The following FSCN2 variants were observed in gnomAD, a reference collection of about 807,000 sequenced individuals.
The protein encoded by FSCN2 is fascin-2.
A neutral mutation model predicts 37.8 loss-of-function variants in FSCN2; 46 were observed. The ratio of observed to expected loss-of-function variants is 1.22; its 90% CI spans 0.96 to 1.56. The LOEUF (loss-of-function observed/expected upper bound fraction) is 1.56. Among genes scored for constraint, FSCN2 ranks in the 40% most tolerant of loss-of-function variants. FSCN2 has a pLI of 0.00. For missense variants in FSCN2, 844 were observed against 730.4 expected (o/e 1.16, Z -1.79); for synonymous variants, 351 against 309.4 (o/e 1.13, Z -1.41).
intron 1 of FSCN2, among the ~76,000 whole-genome samples, chr17:81,531,849 GTGA>G (rs1366144893): frequency 2.6e-5 from 3 of 114,884 alleles, no homozygotes; most frequent in African/African-American, 9.2e-5. Flanking sequence ...GGTGGTGATG[GTGA>G]TGGTGGTGAT....
Position 81,528,655 on chromosome 17 carries a change from A to G in FSCN2, c.124A>G (p.Arg42Gly), listed in dbSNP as rs1555670542. 6.2e-7 allele frequency: 1 copy of G among 1,603,306 alleles called. No homozygotes were observed. Among genetic ancestry groups the G allele is most frequent in the Admixed American group, 1.7e-5 (1 of 58,682 alleles). Reference sequence around the variant, plus strand: ...CAATGCCTCGGCACCCAGCCTCAAGAGGAAGCAGACCTGGGTGCTGGAACC... The same window carrying G: ...CAATGCCTCGGCACCCAGCCTCAAGGGGAAGCAGACCTGGGTGCTGGAACC... ...KVNASAPSLKRKQTWVLEPDP... is the reference protein window; with the variant it reads ...KVNASAPSLKGKQTWVLEPDP... Residue 42 changes from arginine to glycine, a missense_variant, in exon 1 of 5, where the codon AGG becomes GGG. By Grantham distance (125) the Arg-to-Gly change is moderately radical (BLOSUM62 -2). Transcript: ENST00000417245.
chr17:81,519,546 G>T, the FSCN2 span, among the ~76,000 whole-genome samples: 3 of 152,182 alleles, frequency 2.0e-5, no homozygotes, highest in African/African-American at 4.8e-5. Flanking sequence ...ATCGCCGCGA[G>T]GCCGCACCTG....
intron 1 of FSCN2, among the ~76,000 whole-genome samples, chr17:81,531,579 ATGATGG>A (rs1568077705): frequency 3.3e-5 from 4 of 121,636 alleles, no homozygotes; most frequent in East Asian, 2.8e-4. Context: ...AGTGATGGTG[ATGATGG>A]TGATGGTGAT....
chr17:81,536,257 C>A lies in FSCN2; in HGVS notation c.1095C>A (p.Ser365Arg), dbSNP rs201346660. Reference sequence around the variant, plus strand: ...AGAATGGGCAGCTGGCGGCTATCAGCGATTTTGTCGGTGAGCACTCTGCCT... The same window carrying A: ...AGAATGGGCAGCTGGCGGCTATCAGAGATTTTGTCGGTGAGCACTCTGCCT... Reference protein sequence around the residue: ...MKKNGQLAAISDFVGKDEEFT... With the variant: ...MKKNGQLAAIRDFVGKDEEFT... Residue 365 changes from serine to arginine, a missense_variant, in exon 3 of 5, where the codon AGC (serine) becomes AGA (arginine). Physicochemically the swap from Ser to Arg is moderately radical, Grantham distance 110 (BLOSUM62 -1). Transcript: ENST00000417245. 6.3e-7 allele frequency: 1 copy of A among 1,598,810 alleles called. No individual in the cohort carries two copies. Among genetic ancestry groups the A allele is most frequent in the East Asian group, 2.3e-5 (1 of 44,152 alleles).
At chr17:81,516,161 C>T in the FSCN2 span, among the ~76,000 whole-genome samples, 691 of 152,356 alleles carry the variant, frequency 4.5e-3, 6 homozygotes, top group African/African-American at 0.016. Flanking sequence ...TCTCATCTTC[C>T]ACCACTAAAT....
At chr17:81,521,193 T>G in the FSCN2 span, among the ~76,000 whole-genome samples, 1 of 151,750 alleles carries the variant, frequency 6.6e-6, no homozygotes, top group Non-Finnish European at 1.5e-5. Flanking sequence ...TCAGCCTCCC[T>G]AGTAGCTGGG....
At chr17:81,531,246 A>ATGGTGATGGTGATGATGG (rs2032549894) in intron 1 of FSCN2, among the ~76,000 whole-genome samples, 1 of 29,652 alleles carries the variant, frequency 3.4e-5, no homozygotes, top group African/African-American at 1.0e-4. Flanking sequence ...GGTGGTGATG[A>ATGGTGATGGTGATGATGG]TGGTGATGGT....
At chr17:81,519,480 G>C in the FSCN2 span, among the ~76,000 whole-genome samples, 3 of 152,188 alleles carry the variant, frequency 2.0e-5, no homozygotes, top group African/African-American at 7.2e-5. Flanking sequence ...CCCGCGAGAA[G>C]GCCGGGAATG....
At chr17:81,535,272 ACCATCCCCACCATCCGCATCCCCATCT>A (rs1428718898) in intron 2 of FSCN2, 64 bp downstream of exon 2, 28 of 1,058,750 alleles carry the variant, frequency 2.6e-5, no homozygotes, top group Admixed American at 5.2e-5. Flanking sequence ...CCCCATCATC[ACCATCCCCACCATCCGCATCCCCATCT>A]CCATCCCCAC....
chr17:81,528,522 C>A lies in FSCN2; in HGVS notation c.-10C>A. 1 of 1,577,554 alleles carries A rather than the reference C, an allele frequency of 6.3e-7. No homozygotes were observed. The highest frequency in any genetic ancestry group is 8.6e-7 in the Non-Finnish European group (1 of 1,160,884). On this transcript the variant is annotated 5_prime_UTR_variant, in exon 1 of 5. Transcript: ENST00000417245. Reference sequence around the variant, plus strand: ...TCCCAGGCCCCTCCGGGGACCCGGCCAGCCTGAAGATGCCGACGAACGGCC... The same window carrying A: ...TCCCAGGCCCCTCCGGGGACCCGGCAAGCCTGAAGATGCCGACGAACGGCC...
the FSCN2 span, among the ~76,000 whole-genome samples, chr17:81,522,695 CAGAG>C: frequency 6.6e-6 from 1 of 151,768 alleles, no homozygotes; most frequent in African/African-American, 2.4e-5. Flanking sequence ...AGGGGCTGGG[CAGAG>C]GCCGCCACCT....
rs1373324825 is a variant in FSCN2 at position 81,532,152 on chromosome 17, G to GTGATGA, written c.826+2801_826+2806dup. Among the ~76,000 whole-genome samples the GTGATGA allele has an allele frequency of 3.9e-5, 5 of 128,476 alleles. No individual in the cohort carries two copies. In the East Asian group the frequency reaches 9.9e-4, roughly 26 times the overall value. The allele number at this position is 128,476 out of a possible 152,430, so 84.3% of individuals were successfully genotyped here. A position where few individuals can be genotyped will look rare whatever the true frequency, so the allele number is the denominator to read the frequency against. ...GATAGTGATGGTGATGATGGTGATG[G>GTGATGA]TGATGATGATGGTGATGGTGGTGGT... On this transcript the variant is annotated intron_variant, in intron 1 of 4. Coordinates refer to ENST00000417245, the MANE Select transcript of FSCN2 (RefSeq NM_012418.4).
chr17:81,524,171 G>A (rs1160593363), upstream of FSCN2, among the ~76,000 whole-genome samples: 1 of 152,252 alleles, frequency 6.6e-6, no homozygotes, highest in Non-Finnish European at 1.5e-5. Context: ...GCCGGTGGGG[G>A]CGCATGGCTT....
At chr17:81,530,535 G>C (rs1449623931) in intron 1 of FSCN2, 1 of 467,876 alleles carries the variant, frequency 2.1e-6, no homozygotes, top group Non-Finnish European at 4.2e-6. Flanking sequence ...CTGAAAAGGC[G>C]AGGTGGGGAG....
the FSCN2 span, among the ~76,000 whole-genome samples, chr17:81,516,975 T>C: frequency 1.3e-5 from 2 of 152,080 alleles, no homozygotes; most frequent in South Asian, 4.1e-4. Flanking sequence ...TCCCAGACTG[T>C]GGAGTTTTCA....
Position 81,536,214 on chromosome 17 carries a change from G to A in FSCN2, c.1052G>A (p.Arg351His), listed in dbSNP as rs374338872. 31 of 1,600,472 alleles carry A rather than the reference G, an allele frequency of 1.9e-5. No individual in the cohort carries two copies. The highest frequency in any genetic ancestry group is 6.9e-5 in the Admixed American group (4 of 58,232). ...RRVALKASNG[R>H]YVCMKKNGQL... ...GTAGCACTCAAAGCCAGCAACGGGC[G>A]CTACGTGTGCATGAAGAAGAATGGG... The change falls in exon 3 of 5, where the codon CGC becomes CAC. Residue 351 changes from arginine (R) to histidine (H), a missense_variant. Coordinates refer to ENST00000417245, the MANE Select transcript of FSCN2 (RefSeq NM_012418.4).
chr17:81,537,053 G>C lies in FSCN2; in HGVS notation c.1452G>C (p.Pro484=). The C allele has an allele frequency of 6.8e-7, 1 of 1,466,082 alleles. No homozygotes were observed. Among genetic ancestry groups the C allele is most frequent in the Middle Eastern group, 1.8e-4 (1 of 5,456 alleles). 90.8% of individuals were successfully genotyped at this position (1,466,082 alleles called of 1,614,324 possible). A position where few individuals can be genotyped will look rare whatever the true frequency, so the allele number is the denominator to read the frequency against. The change falls in exon 5 of 5, where the codon CCG becomes CCC. Residue 484 remains proline (P), a synonymous_variant. Transcript: ENST00000417245. Reference sequence around the variant, plus strand: ...TGCTGCGGGCCGATGCCGACGCCCCGGCCGGGACCGCGCTTTGGGAGTACT... The same window carrying C: ...TGCTGCGGGCCGATGCCGACGCCCCCGCCGGGACCGCGCTTTGGGAGTACT... ...SGLLRADADA[P]AGTALWEY
chr17:81,521,369 T>G, the FSCN2 span, among the ~76,000 whole-genome samples: 1 of 151,776 alleles, frequency 6.6e-6, no homozygotes, highest in African/African-American at 2.4e-5. Context: ...CCAGCTTTTT[T>G]TTTTTTTTTT....
chr17:81,526,473 A>C (rs1252602508), upstream of FSCN2, among the ~76,000 whole-genome samples: 2 of 152,208 alleles, frequency 1.3e-5, no homozygotes, highest in Non-Finnish European at 2.9e-5. Context: ...TCTACTAAAA[A>C]TACAAACATT....
Sources: gnomAD v4.1 joint callset for allele counts (sites outside exome capture counted in the v4.1 genomes callset) on GRCh38, gnomAD v4.1.1 for gene constraint, MANE v1.5 for transcripts, NCBI Gene and HGNC (gene_info 2026-07-23, HGNC 2026-07-21) for gene names.